The following RHBDD1 variants were observed in gnomAD, a reference collection of about 807,000 sequenced individuals.
RHBDD1 encodes rhomboid-related protein 4.
Under a neutral mutation model 36.3 loss-of-function variants are expected in RHBDD1, and 38 were observed. The ratio of observed to expected loss-of-function variants is 1.05; its 90% CI spans 0.81 to 1.37. The LOEUF is 1.37. Among genes scored for constraint, RHBDD1 ranks in the 40% most tolerant of loss-of-function variants. The pLI is 0.00. For synonymous variants in RHBDD1, 151 were observed against 136.5 expected, an observed-to-expected ratio of 1.11 and a Z score of -0.74; for missense variants, 393 against 377.6, an observed-to-expected ratio of 1.04 and a Z score of -0.34.
the RHBDD1 span, among the ~76,000 whole-genome samples, chr2:226,824,586 G>A: frequency 6.6e-6 from 1 of 152,118 alleles, no homozygotes; most frequent in Admixed American, 6.6e-5. Flanking sequence ...GTCAAAAATT[G>A]CCCCCACTCC....
chr2:226,885,981 C>T (rs1946170687), intron 5 of RHBDD1, among the ~76,000 whole-genome samples: 1 of 152,124 alleles, frequency 6.6e-6, no homozygotes, highest in Admixed American at 6.6e-5. Flanking sequence ...TGGGATGGAG[C>T]AAGACAGCGT....
chr2:226,918,163 C>G (rs1949047416), intron 8 of RHBDD1, among the ~76,000 whole-genome samples: 1 of 151,882 alleles, frequency 6.6e-6, no homozygotes, highest in African/African-American at 2.4e-5. Flanking sequence ...TTGTTCATCT[C>G]ACTACATTTA....
At chr2:226,939,871 A>G (rs1950558788) in intron 8 of RHBDD1, among the ~76,000 whole-genome samples, 1 of 152,218 alleles carries the variant, frequency 6.6e-6, no homozygotes, top group Non-Finnish European at 1.5e-5. Flanking sequence ...AAACTATGCT[A>G]CAGGGCCACA....
the RHBDD1 span, among the ~76,000 whole-genome samples, chr2:226,826,517 AT>A: frequency 0.15 from 18,356 of 121,698 alleles, 1,355 homozygotes; most frequent in African/African-American, 0.32. Context: ...ATCATGATAG[AT>A]TTTTTTTTTT....
At position 226,914,278 on chromosome 2, in the gene RHBDD1, T is replaced by A. The variant is rs1247393818; in HGVS notation, c.783T>A (p.Tyr261Ter). Reference sequence around the variant, plus strand: ...ACTATGAAGAAGCACCCAGGAACTATGACACGTACACAGCAGGACTGAGTG... The same window carrying A: ...ACTATGAAGAAGCACCCAGGAACTAAGACACGTACACAGCAGGACTGAGTG... The part of the protein sequence containing the change: ...PDHYEEAPRN[Y>*]DTYTAGLSEE... Residue 261 changes from tyrosine to a stop codon, truncating the protein, a stop_gained, in exon 8 of 9, where the codon TAT becomes TAA. Coordinates refer to ENST00000392062, the MANE Select transcript of RHBDD1 (RefSeq NM_001167608.3). LOFTEE classifies it high-confidence loss of function. The A allele has an allele frequency of 6.2e-7, 1 of 1,613,862 alleles. No individual in the cohort carries two copies.
At position 226,892,204 on chromosome 2, in the gene RHBDD1, C is replaced by G. The variant is rs181742274; in HGVS notation, c.567-14589C>G. 3.9e-5 allele frequency among the ~76,000 whole-genome samples: 6 copies of G among 152,354 alleles called. No individual in the cohort carries two copies. The East Asian group carries it at 1.2e-3, about 29-fold the overall frequency. ...TTTGTTTAACATTAACTGTGCCTTA[C>G]AGACATACCAGTAAAGCTGCTACAG... On this transcript the variant is annotated intron_variant, in intron 5 of 8. Coordinates refer to ENST00000392062, the MANE Select transcript of RHBDD1 (RefSeq NM_001167608.3).
chr2:226,914,168 T>G, intron 7 of RHBDD1, 40 bp from the exon 8 acceptor site: 1 of 1,602,478 alleles, frequency 6.2e-7, no homozygotes, highest in Non-Finnish European at 8.5e-7. Flanking sequence ...AAAACAACAG[T>G]CCATAGCTGT....
chr2:226,904,417 G>GA (rs368897508), intron 5 of RHBDD1, among the ~76,000 whole-genome samples: 2 of 148,346 alleles, frequency 1.3e-5, no homozygotes, highest in African/African-American at 2.5e-5. Context: ...CTGCAAGCGG[G>GA]GGGGGAGGGG....
At chr2:226,860,821 C>G (rs1943788259) in intron 3 of RHBDD1, among the ~76,000 whole-genome samples, 1 of 152,210 alleles carries the variant, frequency 6.6e-6, no homozygotes, top group Non-Finnish European at 1.5e-5. Context: ...GGTTATATCT[C>G]CTTTCGCATT....
At chr2:226,946,979 A>G (rs1951031735) in intron 8 of RHBDD1, among the ~76,000 whole-genome samples, 1 of 152,240 alleles carries the variant, frequency 6.6e-6, no homozygotes, top group Non-Finnish European at 1.5e-5. Flanking sequence ...CCACATGATT[A>G]TCTCAATAGA....
rs541047169 is a variant in RHBDD1, at chr2:226,985,657, G to A, written c.857-9774G>A. Among the ~76,000 whole-genome samples, 5 of 152,336 alleles carry A rather than the reference G, an allele frequency of 3.3e-5. No homozygotes were observed. In the East Asian group the frequency reaches 5.8e-4, roughly 18 times the overall value. On this transcript the variant is annotated intron_variant, in intron 8 of 8. Transcript: ENST00000392062. ...CCCGGGAGCTCATTAAAACTACAGC[G>A]GCCTGGGCTCTGTGGGAAGCCCACC...
chr2:226,980,584 C>T (rs1955507380), intron 8 of RHBDD1, among the ~76,000 whole-genome samples: 1 of 152,216 alleles, frequency 6.6e-6, no homozygotes, highest in African/African-American at 2.4e-5. Flanking sequence ...ATCCTGGATG[C>T]ATCTCATACA....
rs1959171858 is a variant in RHBDD1 at position 226,995,475 on chromosome 2, C to A, written c.901C>A (p.Pro301Thr). 2 of 1,613,162 alleles carry A rather than the reference C, an allele frequency of 1.2e-6. No individual in the cohort carries two copies. The highest frequency in any genetic ancestry group is 1.7e-6 in the Non-Finnish European group (2 of 1,179,656). ...ACCACCCTACGGGTTTCATCTCTCA[C>A]CAGAAGAAATGAGGAGACAGCGGCT... ...SPPPYGFHLS[P>T]EEMRRQRLHR... is the part of the protein sequence containing the mutation. The change falls in exon 9 of 9, where the codon CCA becomes ACA. Residue 301 changes from proline (P) to threonine (T), a missense_variant. Pro to Thr is a conservative substitution (Grantham distance 38). Coordinates refer to ENST00000392062, the MANE Select transcript of RHBDD1 (RefSeq NM_001167608.3).
At chr2:226,869,713 G>A (rs1030310645) in intron 5 of RHBDD1, among the ~76,000 whole-genome samples, 1 of 152,196 alleles carries the variant, frequency 6.6e-6, no homozygotes. Context: ...ATGCCAGAGT[G>A]AAGCAATCTC....
intron 8 of RHBDD1, among the ~76,000 whole-genome samples, chr2:226,930,131 C>A (rs1230529021): frequency 6.6e-6 from 1 of 151,912 alleles, no homozygotes; most frequent in African/African-American, 2.4e-5. Context: ...GATACTAACA[C>A]TGTTTTTCAC....
At chr2:226,887,083 A>T (rs1033408772) in intron 5 of RHBDD1, among the ~76,000 whole-genome samples, 1 of 152,186 alleles carries the variant, frequency 6.6e-6, no homozygotes, top group African/African-American at 2.4e-5. Context: ...GTAGCCACAG[A>T]TACGGAGGAG....
At chr2:226,823,895 C>T in the RHBDD1 span, among the ~76,000 whole-genome samples, 1 of 152,228 alleles carries the variant, frequency 6.6e-6, no homozygotes, top group East Asian at 1.9e-4. Flanking sequence ...CTATAACAAA[C>T]CCATTCCCAC....
Position 226,887,145 on chromosome 2 carries a change from T to C in RHBDD1, c.567-19648T>C, listed in dbSNP as rs1946291791. ...TATTTTGGGAGAGAATAACTTTTTCTGTTCTAAGACTGTTTTAAAAGAGTC... is the reference window on the plus strand; with the variant it reads ...TATTTTGGGAGAGAATAACTTTTTCCGTTCTAAGACTGTTTTAAAAGAGTC... On this transcript the variant is annotated intron_variant, in intron 5 of 8. Coordinates refer to ENST00000392062, the MANE Select transcript of RHBDD1 (RefSeq NM_001167608.3). Among the ~76,000 whole-genome samples, 3 of 152,200 alleles carry C rather than the reference T, an allele frequency of 2.0e-5. 1 individual carries two copies. Among genetic ancestry groups the C allele is most frequent in the Admixed American group, 1.3e-4 (2 of 15,282 alleles).
chr2:226,963,024 G>T (rs4675130), intron 8 of RHBDD1, among the ~76,000 whole-genome samples: 65,448 of 151,824 alleles, frequency 0.43, 14,190 homozygotes, highest in South Asian at 0.52. Flanking sequence ...CCTGTGTATT[G>T]TGCAGTGTTG....
Sources: allele counts gnomAD v4.1 joint callset (sites outside exome capture counted in the v4.1 genomes callset), GRCh38; gene constraint gnomAD v4.1.1; transcripts MANE v1.5; gene names NCBI Gene and HGNC (gene_info 2026-07-23, HGNC 2026-07-21).